Variants in CA10 observed in about 807,000 individuals in gnomAD.
CA10 encodes the protein carbonic anhydrase-related protein 10.
In CA10, 14 loss-of-function variants were observed where a neutral mutation model predicts 44.2. The ratio of observed to expected loss-of-function variants is 0.32; its 90% CI spans 0.21 to 0.50. The LOEUF (loss-of-function observed/expected upper bound fraction) is 0.50, where lower values mean the gene tolerates loss of function less well. Among genes scored for constraint, CA10 ranks in the 20% least tolerant of loss-of-function variants. The pLI is 0.99. For synonymous variants in CA10, 159 were observed against 141.6 expected (o/e 1.12, Z -0.87); for missense variants, 350 against 409.7 (o/e 0.85, Z 1.26).
intron 6 of CA10, among the ~76,000 whole-genome samples, chr17:51,640,113 T>G (rs1433819109): frequency 6.6e-6 from 1 of 152,222 alleles, no homozygotes; most frequent in Non-Finnish European, 1.5e-5. Context: ...CCTGCTAAGC[T>G]GTGAGCCTTC....
chr17:51,944,696 C>A (rs553909226), intron 2 of CA10, among the ~76,000 whole-genome samples: 1 of 151,950 alleles, frequency 6.6e-6, no homozygotes, highest in South Asian at 2.1e-4. Flanking sequence ...AAAAAATAAC[C>A]AAAATGTGGA....
At chr17:51,827,817 C>T (rs552950840) in intron 3 of CA10, among the ~76,000 whole-genome samples, 2 of 152,284 alleles carry the variant, frequency 1.3e-5, no homozygotes, top group South Asian at 2.1e-4. Context: ...ACTGCATCTC[C>T]CAGCTTTCCT....
At chr17:52,084,539 TGAG>T (rs1465575280) in intron 1 of CA10, among the ~76,000 whole-genome samples, 1 of 152,164 alleles carries the variant, frequency 6.6e-6, no homozygotes, top group East Asian at 1.9e-4. Flanking sequence ...GAGTTGTATC[TGAG>T]GAGATTTGAG....
chr17:51,673,458 C>G (rs1914501177), intron 4 of CA10, among the ~76,000 whole-genome samples: 1 of 152,216 alleles, frequency 6.6e-6, no homozygotes, highest in African/African-American at 2.4e-5. Context: ...ACATGGCCAT[C>G]ATCCTCCCAG....
chr17:52,002,332 G>A (rs764066075), intron 2 of CA10, among the ~76,000 whole-genome samples: 8 of 151,950 alleles, frequency 5.3e-5, no homozygotes, highest in Non-Finnish European at 1.2e-4. Flanking sequence ...ATCAGGGAGA[G>A]AGGGGAGGCC....
intron 1 of CA10, chr17:52,135,112 G>T (rs1989326946): frequency 5.2e-6 from 2 of 387,812 alleles, no homozygotes; most frequent in Admixed American, 5.9e-5. Flanking sequence ...TTGGCCAAGG[G>T]GACCCCAGAT....
At chr17:51,944,292 TA>T (rs1278349629) in intron 2 of CA10, among the ~76,000 whole-genome samples, 2 of 152,162 alleles carry the variant, frequency 1.3e-5, no homozygotes, top group Non-Finnish European at 2.9e-5. Context: ...GAATTAAGAA[TA>T]TGTTTATCAG....
intron 2 of CA10, among the ~76,000 whole-genome samples, chr17:52,010,924 G>T (rs750241771): frequency 2.0e-5 from 3 of 146,996 alleles, no homozygotes; most frequent in African/African-American, 5.0e-5. Flanking sequence ...TCAAGTTTCA[G>T]CAAATTTACT....
At chr17:51,764,328 G>C (rs1905294728) in intron 3 of CA10, among the ~76,000 whole-genome samples, 1 of 152,180 alleles carries the variant, frequency 6.6e-6, no homozygotes, top group Non-Finnish European at 1.5e-5. Flanking sequence ...CAGGCTTGGT[G>C]ATGATGCTTC....
chr17:52,135,266 AC>A (rs1171721887), intron 1 of CA10, among the ~76,000 whole-genome samples: 1 of 152,180 alleles, frequency 6.6e-6, no homozygotes, highest in African/African-American at 2.4e-5. Context: ...CACTTTTGAT[AC>A]CAACAAACCA....
At chr17:51,795,973 G>C (rs1158671485) in intron 3 of CA10, among the ~76,000 whole-genome samples, 1 of 152,222 alleles carries the variant, frequency 6.6e-6, no homozygotes, top group Non-Finnish European at 1.5e-5. Context: ...AGAAAGCAGA[G>C]CTATTGATCA....
chr17:51,810,747 T>G (rs2143738147), intron 3 of CA10, among the ~76,000 whole-genome samples: 1 of 152,306 alleles, frequency 6.6e-6, no homozygotes, highest in African/African-American at 2.4e-5. Context: ...AGATTGGGGA[T>G]GAGGTTCCCT....
chr17:51,662,021 T>G (rs1191139163), intron 4 of CA10, among the ~76,000 whole-genome samples: 1 of 152,242 alleles, frequency 6.6e-6, no homozygotes, highest in Non-Finnish European at 1.5e-5. Context: ...ATTTGGTCTG[T>G]GACTGTAGTT....
intron 3 of CA10, among the ~76,000 whole-genome samples, chr17:51,884,717 C>T (rs1373265008): frequency 2.6e-5 from 4 of 152,254 alleles, no homozygotes; most frequent in African/African-American, 7.2e-5. Flanking sequence ...AGGCTTAGCA[C>T]GACAGAAAAG....
chr17:52,090,069 G>A (rs1988219234), intron 1 of CA10, among the ~76,000 whole-genome samples: 1 of 152,100 alleles, frequency 6.6e-6, no homozygotes, highest in African/African-American at 2.4e-5. Flanking sequence ...AGGTATAGTT[G>A]TAAACAAACA....
chr17:51,791,244 T>C (rs564351097), intron 3 of CA10, among the ~76,000 whole-genome samples: 4 of 152,200 alleles, frequency 2.6e-5, no homozygotes, highest in African/African-American at 9.6e-5. Context: ...TCATGACTCA[T>C]CTATTGTACC....
At chr17:52,066,033 A>C (rs142922703) in intron 2 of CA10, among the ~76,000 whole-genome samples, 6 of 152,304 alleles carry the variant, frequency 3.9e-5, no homozygotes, top group Non-Finnish European at 8.8e-5. Flanking sequence ...ACACGATTGT[A>C]AGTTTCATGA....
intron 2 of CA10, among the ~76,000 whole-genome samples, chr17:52,055,859 A>T (rs2143069951): frequency 6.6e-6 from 1 of 152,284 alleles, no homozygotes; most frequent in South Asian, 2.1e-4. Context: ...CATATCTCTA[A>T]GAATAAGGCA....
intron 2 of CA10, among the ~76,000 whole-genome samples, chr17:51,990,350 C>T (rs1295119546): frequency 6.6e-6 from 1 of 152,060 alleles, no homozygotes; most frequent in Non-Finnish European, 1.5e-5. Context: ...CTGTGTCTAT[C>T]ATTTCACATT....
Sources: allele counts gnomAD v4.1 joint callset (sites outside exome capture counted in the v4.1 genomes callset), GRCh38; gene constraint gnomAD v4.1.1; transcripts MANE v1.5; gene names NCBI Gene and HGNC (gene_info 2026-07-23, HGNC 2026-07-21).